Variants in SHLD1 observed in about 807,000 individuals in gnomAD.
SHLD1 encodes RINN1-REV7-interacting novel NHEJ regulator 3.
SHLD1 carries 3 observed loss-of-function variants against 5.5 expected under a neutral mutation model. The ratio of observed to expected loss-of-function variants is 0.54; its 90% confidence interval spans 0.25 to 1.40. The LOEUF is 1.40. Ranked by LOEUF, SHLD1 falls within the 40% of genes most tolerant of loss-of-function variation. The pLI, the probability that SHLD1 is intolerant of heterozygous loss-of-function variation, is 0.15. For synonymous variants in SHLD1, 92 were observed against 94.3 expected (o/e 0.98, Z 0.14); for missense variants, 210 against 244.4 (o/e 0.86, Z 0.94).
intron 2 of SHLD1, among the ~76,000 whole-genome samples, chr20:5,835,984 A>G (rs1270536529): frequency 6.6e-6 from 1 of 152,230 alleles, no homozygotes; most frequent in Admixed American, 6.5e-5. Flanking sequence ...CGGAGGTTAA[A>G]TAAAACTTCC....
chr20:5,823,728 A>G (rs2122418910), intron 2 of SHLD1, among the ~76,000 whole-genome samples: 1 of 152,272 alleles, frequency 6.6e-6, no homozygotes, highest in Non-Finnish European at 1.5e-5. Context: ...GATTACAGGC[A>G]TGAGTCACCG....
chr20:5,795,248 A>AAAAAC (rs534605474), intron 2 of SHLD1, among the ~76,000 whole-genome samples: 1,725 of 151,768 alleles, frequency 0.011, 28 homozygotes, highest in African/African-American at 0.039. Context: ...CAAAAAAAAC[A>AAAAAC]AAAACAAAAC....
intron 2 of SHLD1, among the ~76,000 whole-genome samples, chr20:5,818,320 C>T (rs1696313893): frequency 6.6e-6 from 1 of 152,118 alleles, no homozygotes; most frequent in African/African-American, 2.4e-5. Context: ...AAGTGATCCA[C>T]CCGCCACAGC....
intron 1 of SHLD1, among the ~76,000 whole-genome samples, chr20:5,759,746 A>G (rs1011637744): frequency 1.3e-5 from 2 of 151,672 alleles, no homozygotes; most frequent in Non-Finnish European, 2.9e-5. Flanking sequence ...TCACCATGTT[A>G]CCCAGGCTGG....
intron 2 of SHLD1, among the ~76,000 whole-genome samples, chr20:5,778,061 G>T (rs1040953762): frequency 6.7e-6 from 1 of 149,116 alleles, no homozygotes; most frequent in African/African-American, 2.5e-5. Context: ...GCTCATGCCT[G>T]TTATCTGGCA....
intron 2 of SHLD1, chr20:5,773,353 T>C: frequency 5.5e-6 from 3 of 542,678 alleles, no homozygotes; most frequent in Non-Finnish European, 9.8e-6. Context: ...AAAGAGAGAG[T>C]GGAATTTTTT....
Position 5,855,196 on chromosome 20 carries a change from C to G in SHLD1, c.179-7828C>G, listed in dbSNP as rs947418874. On this transcript the variant is annotated intron_variant, in intron 2 of 2. Transcript: ENST00000303142. The surrounding 1 kb of genome is among the most constrained non-coding windows in gnomAD (Gnocchi z 4.4). Reference sequence around the variant, plus strand: ...CCCAACCCTGTCTCTATAAATCTGACCACTTTAGGTACCTCATCTAAGTGG... The same window carrying G: ...CCCAACCCTGTCTCTATAAATCTGAGCACTTTAGGTACCTCATCTAAGTGG... Among the ~76,000 whole-genome samples the G allele has an allele frequency of 1.3e-5, 2 of 151,928 alleles. No homozygotes were observed. Among genetic ancestry groups the G allele is most frequent in the African/African-American group, 4.8e-5 (2 of 41,356 alleles).
intron 2 of SHLD1, among the ~76,000 whole-genome samples, chr20:5,833,993 G>T (rs2087761108): frequency 6.6e-6 from 1 of 152,194 alleles, no homozygotes; most frequent in South Asian, 2.1e-4. Context: ...TGGCATTGAG[G>T]AGGTGAAACT....
intron 1 of SHLD1, among the ~76,000 whole-genome samples, chr20:5,760,562 T>G (rs1451972211): frequency 6.6e-6 from 1 of 151,844 alleles, no homozygotes; most frequent in East Asian, 1.9e-4. Flanking sequence ...GCATGGTGGC[T>G]TGCACCTGTA....
At chr20:5,859,290 CA>C (rs2088129603) in intron 2 of SHLD1, among the ~76,000 whole-genome samples, 1 of 152,072 alleles carries the variant, frequency 6.6e-6, no homozygotes, top group Non-Finnish European at 1.5e-5. Context: ...GGGTGAGGGG[CA>C]GGGGGACATT....
At chr20:5,838,413 A>T (rs1487566725) in intron 2 of SHLD1, among the ~76,000 whole-genome samples, 1 of 152,262 alleles carries the variant, frequency 6.6e-6, no homozygotes, top group Non-Finnish European at 1.5e-5. Flanking sequence ...TCTGACTTTT[A>T]AAAGCTATGA....
At chr20:5,854,319 T>C (rs893394481) in intron 2 of SHLD1, among the ~76,000 whole-genome samples, 3 of 152,160 alleles carry the variant, frequency 2.0e-5, no homozygotes, top group African/African-American at 7.2e-5. Flanking sequence ...TGTTTTTTGG[T>C]ATTTTTTTGG....
intron 2 of SHLD1, among the ~76,000 whole-genome samples, chr20:5,827,544 T>A (rs1490690038): frequency 6.6e-6 from 1 of 152,070 alleles, no homozygotes; most frequent in Non-Finnish European, 1.5e-5. Context: ...CCACCTGCCT[T>A]CACCCACAGG....
intron 2 of SHLD1, among the ~76,000 whole-genome samples, chr20:5,854,870 C>CTTTTTTTTTTT (rs1568532959): frequency 1.1e-4 from 2 of 18,144 alleles, no homozygotes; most frequent in Non-Finnish European, 1.9e-4. Flanking sequence ...GTCTCTATGA[C>CTTTTTTTTTTT]TCTTTTTTTT....
chr20:5,774,780 T>TG (rs1358602162), intron 2 of SHLD1, among the ~76,000 whole-genome samples: 1 of 152,114 alleles, frequency 6.6e-6, no homozygotes, highest in Non-Finnish European at 1.5e-5. Context: ...CTTCCAACAC[T>TG]GGGGATGACA....
In SHLD1 at chr20:5,863,388, T is replaced by C. The variant is rs781190544; in HGVS notation, c.543T>C (p.Asp181=). ...AGGAAGGAAGTACATCTTTGGATGA[T>C]GAAAAGCCAAACCCAGGACTGTCAA... The part of the protein sequence containing the change: ...PLEEGSTSLD[D]EKPNPGLSKD... The change falls in exon 3 of 3, where the codon GAT becomes GAC. Residue 181 remains aspartate (D), a synonymous_variant. Coordinates refer to ENST00000303142, the MANE Select transcript of SHLD1 (RefSeq NM_152504.4). 1.1e-5 allele frequency: 17 copies of C among 1,613,978 alleles called. No individual in the cohort carries two copies. In the South Asian group the frequency reaches 1.2e-4, roughly 11 times the overall value.
chr20:5,790,903 C>G (rs1286118256), intron 2 of SHLD1, among the ~76,000 whole-genome samples: 1 of 152,176 alleles, frequency 6.6e-6, no homozygotes, highest in Non-Finnish European at 1.5e-5. Flanking sequence ...TGGCTCACGC[C>G]TGTACTCCCA....
Position 5,764,158 on chromosome 20 carries a change from T to TTATA in SHLD1, c.-4-8690_-4-8687dup, listed in dbSNP as rs1204952037. Reference sequence around the variant, plus strand: ...AAAAAAAATATATATATATTTATATTTATATATATATATATATTTTTATAT... The same window carrying TTATA: ...AAAAAAAATATATATATATTTATATTTATATATATATATATATATATTTTTATAT... On this transcript the variant is annotated intron_variant, in intron 1 of 2. Coordinates refer to ENST00000303142, the MANE Select transcript of SHLD1 (RefSeq NM_152504.4). Among the ~76,000 whole-genome samples, 602 of 71,998 alleles carry TTATA rather than the reference T, an allele frequency of 8.4e-3. 16 individuals are homozygous for TTATA. The highest frequency in any genetic ancestry group is 0.028 in the African/African-American group (542 of 19,080). 47.2% of individuals were successfully genotyped at this position (71,998 alleles called of 152,430 possible). A position where few individuals can be genotyped will look rare whatever the true frequency, so the allele number is the denominator to read the frequency against.
At chr20:5,800,766 T>C (rs441042) in intron 2 of SHLD1, among the ~76,000 whole-genome samples, 129,480 of 152,098 alleles carry the variant, frequency 0.85, 55,361 homozygotes, top group East Asian at 1. Context: ...TCCCTTTTCT[T>C]CTACCTCAAA....
Sources: gnomAD v4.1 joint callset for allele counts (sites outside exome capture counted in the v4.1 genomes callset) on GRCh38, gnomAD v4.1.1 for gene constraint, Gnocchi (gnomAD v3.1) non-coding constraint, MANE v1.5 for transcripts, NCBI Gene and HGNC (gene_info 2026-07-23, HGNC 2026-07-21) for gene names.